AP5Z1: variants seen among roughly 807,000 people sequenced by gnomAD.
AP5Z1 encodes the protein adaptor related protein complex 5 subunit zeta 1, also known as AP-5 complex subunit zeta-1.
A neutral mutation model predicts 83.0 loss-of-function variants in AP5Z1; 106 were observed. The ratio of observed to expected loss-of-function variants is 1.28; its 90% confidence interval spans 1.09 to 1.50. AP5Z1 has a LOEUF of 1.50. Among genes scored for constraint, AP5Z1 ranks in the 40% most tolerant of loss-of-function variants. The pLI, the probability that AP5Z1 is intolerant of heterozygous loss-of-function variation, is 0.00. For synonymous variants in AP5Z1, 751 were observed against 514.1 expected, an observed-to-expected ratio of 1.46 and a Z score of -6.23; for missense variants, 1,565 against 1,094.2, an observed-to-expected ratio of 1.43 and a Z score of -6.07.
At chr7:4,783,251 C>T (rs1217045814) in intron 3 of AP5Z1, 65 bp from the exon 4 acceptor site, 8 of 1,495,706 alleles carry the variant, frequency 5.3e-6, no homozygotes, top group South Asian at 3.9e-5. Flanking sequence ...CACAGACTTC[C>T]GAAATGGGGG....
chr7:4,788,386 G>C (rs920102463), intron 12 of AP5Z1, 92 bp downstream of exon 12: 1 of 1,409,710 alleles, frequency 7.1e-7, no homozygotes, highest in Non-Finnish European at 9.4e-7. Flanking sequence ...CCTAGGCTGA[G>C]GCCAGGGTGC....
rs372922535 is a variant in AP5Z1 at position 4,789,897 on chromosome 7, C to T, written c.1773C>T (p.Tyr591=). 670 of 1,550,942 alleles carry T rather than the reference C, an allele frequency of 4.3e-4. 3 individuals are homozygous for T. In the Middle Eastern group the frequency reaches 5.4e-3, roughly 12 times the overall value. Residue 591 remains tyrosine (Y), a synonymous_variant, in exon 14 of 17, where the codon TAC becomes TAT. Transcript: ENST00000649063. ...LLLLGRSDSL[Y]PAPGYAAGVH... ...TCCTGGGCAGGAGCGACTCGCTCTACCCGGCCCCAGGGTACGCTGCCGGTG... is the reference window on the plus strand; with the variant it reads ...TCCTGGGCAGGAGCGACTCGCTCTATCCGGCCCCAGGGTACGCTGCCGGTG...
rs1183902859 is a variant in AP5Z1 at position 4,787,877 on chromosome 7, CCTT to C, written c.1454+106_1454+108del. ...TCCTGACCCCTACACCGGGGACCCT[CCTT>C]CTTCCCCCCCCAACACCTGACCAGT... On this transcript the variant is annotated intron_variant, in intron 11 of 16. Transcript: ENST00000649063. 34 of 1,368,206 alleles carry C rather than the reference CCTT, an allele frequency of 2.5e-5. No individual in the cohort carries two copies. In the East Asian group the frequency reaches 4.1e-4, roughly 16 times the overall value. 84.8% of individuals were successfully genotyped at this position (1,368,206 alleles called of 1,614,324 possible). A position where few individuals can be genotyped will look rare whatever the true frequency, so the allele number is the denominator to read the frequency against.
At chr7:4,782,233 T>C (rs1781402444) in intron 3 of AP5Z1, among the ~76,000 whole-genome samples, 1 of 152,098 alleles carries the variant, frequency 6.6e-6, no homozygotes, top group Non-Finnish European at 1.5e-5. Flanking sequence ...TTGTATTTTT[T>C]TGTAGGGACC....
rs752742753 is a variant in AP5Z1, at chr7:4,790,694, C to T, written c.1960C>T (p.Leu654=). The T allele has an allele frequency of 1.7e-5, 27 of 1,611,622 alleles. No individual in the cohort carries two copies. The highest frequency in any genetic ancestry group is 2.1e-5 in the Non-Finnish European group (25 of 1,179,630). Residue 654 remains leucine (L), a synonymous_variant, in exon 16 of 17, where the codon CTG becomes TTG. Transcript: ENST00000649063. The part of the protein sequence containing the change: ...TSVVWAIGEY[L]SVTYDRRCTV... The stretch of plus-strand genomic sequence containing the variant: ...CTAGGTGTGGGCCATCGGCGAGTAC[C>T]TGTCGGTGACCTACGATCGGAGGTG...
rs1781474825 is a variant in AP5Z1, at chr7:4,784,400, CA to C, written c.790+30del. Reference sequence around the variant, plus strand: ...TGCGGGGTGGGGGGATGACGTCAGACAGGGGTGGGAGGTGGGCGCACTATGG... The same window carrying C: ...TGCGGGGTGGGGGGATGACGTCAGACGGGGTGGGAGGTGGGCGCACTATGG... On this transcript the variant is annotated intron_variant, in intron 6 of 16. Coordinates refer to ENST00000649063, the MANE Select transcript of AP5Z1 (RefSeq NM_014855.3). 4 of 1,547,612 alleles carry C rather than the reference CA, an allele frequency of 2.6e-6. No homozygotes were observed. The African/African-American group carries it at 4.1e-5, about 16-fold the overall frequency.
rs543246918 is a variant in AP5Z1, at chr7:4,786,117, G to A, written c.1133-133G>A. ...GGAGACCAAGTGCCGCTTCCCCAGC[G>A]TCCCAGCGTAGGACGCCTCGGAGCC... On this transcript the variant is annotated intron_variant, in intron 9 of 16. Transcript: ENST00000649063. The A allele has an allele frequency of 7.6e-5, 67 of 883,540 alleles. No homozygotes were observed. In the African/African-American group the frequency reaches 9.0e-4, roughly 12 times the overall value. The allele number at this position is 883,540 out of a possible 1,614,324, so 54.7% of individuals were successfully genotyped here.
intron 7 of AP5Z1, 97 bp downstream of exon 7, chr7:4,785,145 C>T (rs1781500300): frequency 1.3e-6 from 2 of 1,496,446 alleles, no homozygotes; most frequent in African/African-American, 1.4e-5. Flanking sequence ...AGCTACTGCT[C>T]CACAGAGGGG....
Position 4,791,291 on chromosome 7 carries a change from C to A in AP5Z1, c.2330C>A (p.Pro777His), listed in dbSNP as rs371114183. 6.2e-7 allele frequency: 1 copy of A among 1,612,530 alleles called. No individual in the cohort carries two copies. The stretch of plus-strand genomic sequence containing the variant: ...ACACCCAGCACGGAGGTGTGCAGCC[C>A]CCGCTATCACCGCGATGCCAACACG... ...VLTPSTEVCS[P>H]RYHRDANTAL... The change falls in exon 17 of 17, where the codon CCC (proline) becomes CAC (histidine). Residue 777 changes from proline to histidine, a missense_variant. Physicochemically the swap from Pro to His is moderately conservative, Grantham distance 77. Transcript: ENST00000649063.
At chr7:4,783,224 G>A in intron 3 of AP5Z1, 92 bp from the exon 4 acceptor site, 7 of 1,457,182 alleles carry the variant, frequency 4.8e-6, no homozygotes, top group South Asian at 4.3e-5. Flanking sequence ...AGCGACCGAC[G>A]CTTCTCAGGA....
intron 10 of AP5Z1, among the ~76,000 whole-genome samples, chr7:4,786,970 A>G (rs1004510584): frequency 4.0e-5 from 6 of 151,516 alleles, no homozygotes; most frequent in African/African-American, 1.5e-4. Context: ...TGGGGTTTCG[A>G]CATGTTGGCC....
At chr7:4,780,760 C>T (rs1013532603) in intron 1 of AP5Z1, among the ~76,000 whole-genome samples, 3 of 152,016 alleles carry the variant, frequency 2.0e-5, no homozygotes, top group Admixed American at 6.6e-5. Flanking sequence ...AGCAAGACTC[C>T]ATCTCGGGGA....
intron 1 of AP5Z1, among the ~76,000 whole-genome samples, chr7:4,777,365 A>G (rs986339803): frequency 6.6e-6 from 1 of 151,210 alleles, no homozygotes; most frequent in Non-Finnish European, 1.5e-5. Flanking sequence ...TTATTTATTT[A>G]TTTATTTATT....
At chr7:4,776,524 G>C (rs1040927727) in intron 1 of AP5Z1, among the ~76,000 whole-genome samples, 2 of 147,036 alleles carry the variant, frequency 1.4e-5, no homozygotes, top group Non-Finnish European at 3.0e-5. Context: ...CGAGACCAGC[G>C]TGCCCAACAT....
At chr7:4,791,057 A>C (rs1781751890) in intron 16 of AP5Z1, 58 bp from the exon 17 acceptor site, 2 of 1,504,278 alleles carry the variant, frequency 1.3e-6, no homozygotes, top group Middle Eastern at 1.8e-4. Flanking sequence ...CCCTCCACAC[A>C]GACCCCTGTC....
rs1001073949 is a variant in AP5Z1, at chr7:4,792,699, G to C, written c.*1314G>C. On this transcript the variant is annotated 3_prime_UTR_variant, in exon 17 of 17. Transcript: ENST00000649063. ...CAGGGCCGCTGAGCCGGGGCCGCAG[G>C]AAAGGCTGGCGCTGGCAGGCGCTTC... 6.6e-6 allele frequency: 1 copy of C among 152,256 alleles called. No individual in the cohort carries two copies. Among genetic ancestry groups the C allele is most frequent in the African/African-American group, 2.4e-5 (1 of 41,466 alleles). 9.4% of individuals were successfully genotyped at this position (152,256 alleles called of 1,614,324 possible).
chr7:4,782,416 A>C (rs1025772879), intron 3 of AP5Z1, among the ~76,000 whole-genome samples: 2 of 152,064 alleles, frequency 1.3e-5, no homozygotes, highest in Non-Finnish European at 2.9e-5. Context: ...TGTGTGAGAG[A>C]AGCTGCTATC....
rs550104638 is a variant in AP5Z1 at position 4,791,573 on chromosome 7, C to A, written c.*188C>A. 1 of 875,024 alleles carries A rather than the reference C, an allele frequency of 1.1e-6. No individual in the cohort carries two copies. The highest frequency in any genetic ancestry group is 1.7e-6 in the Non-Finnish European group (1 of 588,444). The allele number at this position is 875,024 out of a possible 1,614,324, so 54.2% of individuals were successfully genotyped here. On this transcript the variant is annotated 3_prime_UTR_variant, in exon 17 of 17. Coordinates refer to ENST00000649063, the MANE Select transcript of AP5Z1 (RefSeq NM_014855.3). ...CTGCTCACCCTCTGGGCTTTGTCTC[C>A]GAGCCTTTTGCTCCCAGGCAACACT...
chr7:4,781,119 T>C, intron 1 of AP5Z1, 56 bp from the exon 2 acceptor site: 1 of 1,585,856 alleles, frequency 6.3e-7, no homozygotes. Context: ...GGTTATCCTT[T>C]TTTTGGTTCC....
Sources: gnomAD v4.1 joint callset for allele counts (sites outside exome capture counted in the v4.1 genomes callset) on GRCh38, gnomAD v4.1.1 for gene constraint, MANE v1.5 for transcripts, NCBI Gene and HGNC (gene_info 2026-07-23, HGNC 2026-07-21) for gene names.